Variants in STARD13 observed in about 807,000 individuals in gnomAD.
STARD13 encodes the protein StAR related lipid transfer domain containing 13, also known as stAR-related lipid transfer protein 13.
Under a neutral mutation model 106.4 loss-of-function variants are expected in STARD13, and 62 were observed. The observed-to-expected ratio is 0.58, with a 90% CI of 0.48 to 0.72. The LOEUF (loss-of-function observed/expected upper bound fraction) is 0.72. Among genes scored for constraint, STARD13 ranks in the 30% least tolerant of loss-of-function variants. The pLI is 0.00. For missense variants in STARD13, 1,387 were observed against 1,424.0 expected (o/e 0.97, Z 0.42); for synonymous variants, 565 against 553.0 (o/e 1.02, Z -0.31).
the STARD13 span, among the ~76,000 whole-genome samples, chr13:33,478,136 C>G: frequency 6.6e-6 from 1 of 152,274 alleles, no homozygotes; most frequent in South Asian, 2.1e-4. Context: ...TGTAAACTCC[C>G]AATTTTAGTT....
the STARD13 span, among the ~76,000 whole-genome samples, chr13:33,432,957 TAG>T: frequency 6.6e-6 from 1 of 152,194 alleles, no homozygotes; most frequent in African/African-American, 2.4e-5. Context: ...TAAATAAAAG[TAG>T]AGAGACCCAT....
chr13:33,215,128 G>A (rs112041633), intron 1 of STARD13, among the ~76,000 whole-genome samples: 4 of 116,882 alleles, frequency 3.4e-5, no homozygotes, highest in South Asian at 3.2e-4. Flanking sequence ...TTGGGGGGGG[G>A]GGTGGGGGGA....
the STARD13 span, among the ~76,000 whole-genome samples, chr13:33,576,693 G>A: frequency 6.6e-6 from 1 of 152,128 alleles, no homozygotes; most frequent in Non-Finnish European, 1.5e-5. Flanking sequence ...CAAAATTTGA[G>A]AGGAAACTTA....
the STARD13 span, among the ~76,000 whole-genome samples, chr13:33,425,135 AG>A: frequency 6.6e-6 from 1 of 152,220 alleles, no homozygotes; most frequent in Non-Finnish European, 1.5e-5. Context: ...GCTTAGTGAA[AG>A]GGAAAACCAT....
the STARD13 span, among the ~76,000 whole-genome samples, chr13:33,561,350 A>G: frequency 6.6e-6 from 1 of 151,436 alleles, no homozygotes; most frequent in Non-Finnish European, 1.5e-5. Context: ...TTGAATTTTT[A>G]TTTTCATCCT....
chr13:33,490,884 T>G, the STARD13 span, among the ~76,000 whole-genome samples: 2 of 152,142 alleles, frequency 1.3e-5, no homozygotes, highest in Non-Finnish European at 2.9e-5. Context: ...CACCCACCAT[T>G]AGACATTACC....
At chr13:33,117,281 G>T (rs953526387) in intron 8 of STARD13, among the ~76,000 whole-genome samples, 1 of 152,052 alleles carries the variant, frequency 6.6e-6, no homozygotes, top group Non-Finnish European at 1.5e-5. Context: ...GCTAATTTTT[G>T]TATCTTTTAG....
chr13:33,318,550 T>C (rs904287267), intron 1 of STARD13, among the ~76,000 whole-genome samples: 2 of 151,786 alleles, frequency 1.3e-5, no homozygotes, highest in African/African-American at 4.8e-5. Context: ...CAATAAGCAA[T>C]CAAAGAAAAA....
chr13:33,417,925 C>T, the STARD13 span, among the ~76,000 whole-genome samples: 44 of 152,208 alleles, frequency 2.9e-4, no homozygotes, highest in Non-Finnish European at 4.7e-4. Context: ...TATTGTAAAC[C>T]GTATCTCAAT....
intron 1 of STARD13, among the ~76,000 whole-genome samples, chr13:33,333,008 TATA>T (rs1357124646): frequency 2.0e-5 from 3 of 152,112 alleles, no homozygotes; most frequent in African/African-American, 7.2e-5. Flanking sequence ...TCTTAAACTC[TATA>T]ATAATAATGA....
chr13:33,245,662 C>T (rs1426476165), intron 1 of STARD13, among the ~76,000 whole-genome samples: 3 of 152,124 alleles, frequency 2.0e-5, no homozygotes, highest in Non-Finnish European at 2.9e-5. Context: ...ATGATTGATT[C>T]TGAAATGGAG....
intron 1 of STARD13, among the ~76,000 whole-genome samples, chr13:33,252,461 A>G (rs1890136318): frequency 6.6e-6 from 1 of 152,226 alleles, no homozygotes; most frequent in Admixed American, 6.5e-5. Flanking sequence ...GGCCATATTC[A>G]GGTCCCTCCC....
chr13:33,361,938 A>G, the STARD13 span, among the ~76,000 whole-genome samples: 7 of 152,176 alleles, frequency 4.6e-5, no homozygotes, highest in Admixed American at 1.3e-4. Flanking sequence ...AGAAAATACT[A>G]TATTTTCTAT....
chr13:33,178,039 G>A (rs1312166670), intron 1 of STARD13, among the ~76,000 whole-genome samples: 2 of 147,370 alleles, frequency 1.4e-5, no homozygotes, highest in Non-Finnish European at 3.0e-5. Flanking sequence ...AGGAAGGAAG[G>A]AAGGAAGGAA....
At chr13:33,653,794 C>T in the STARD13 span, among the ~76,000 whole-genome samples, 1 of 152,142 alleles carries the variant, frequency 6.6e-6, no homozygotes, top group East Asian at 1.9e-4. Context: ...AAGGGATTAA[C>T]ATCCAGAATA....
chr13:33,209,714 C>A (rs747806981), intron 1 of STARD13, among the ~76,000 whole-genome samples: 1 of 152,058 alleles, frequency 6.6e-6, no homozygotes, highest in Non-Finnish European at 1.5e-5. Flanking sequence ...GGCTCACGTG[C>A]ACTCCCAACA....
chr13:33,246,720 AAG>A (rs760440094), intron 1 of STARD13, among the ~76,000 whole-genome samples: 10 of 150,956 alleles, frequency 6.6e-5, no homozygotes, highest in South Asian at 4.2e-4. Flanking sequence ...AACAAAAACT[AAG>A]AGAGAGAGAG....
At chr13:33,127,985 T>C (rs1054872706) in intron 5 of STARD13, among the ~76,000 whole-genome samples, 3 of 138,294 alleles carry the variant, frequency 2.2e-5, no homozygotes, top group Non-Finnish European at 3.1e-5. Context: ...AGCAGAGAGA[T>C]AGAAAAGAGA....
the STARD13 span, among the ~76,000 whole-genome samples, chr13:33,522,418 C>T: frequency 4.6e-5 from 7 of 152,170 alleles, no homozygotes; most frequent in East Asian, 1.2e-3. Flanking sequence ...GTAGGGTACA[C>T]TGTTGGTGTT....
Sources: allele counts gnomAD v4.1 joint callset (sites outside exome capture counted in the v4.1 genomes callset), GRCh38; gene constraint gnomAD v4.1.1; transcripts MANE v1.5; gene names NCBI Gene and HGNC (gene_info 2026-07-23, HGNC 2026-07-21).